The following PDCL2 variants were observed in gnomAD, a reference collection of about 807,000 sequenced individuals.
PDCL2 encodes the protein phosducin-like protein 2.
Under a neutral mutation model 30.3 loss-of-function variants are expected in PDCL2, and 23 were observed. That is an observed-to-expected ratio of 0.76 (90% CI 0.55 to 1.08). The LOEUF (loss-of-function observed/expected upper bound fraction) is 1.08. Ranked by LOEUF, PDCL2 falls within the 50% of genes least tolerant of loss-of-function variation. The pLI is 0.00. For missense variants in PDCL2, 243 were observed against 282.3 expected, an observed-to-expected ratio of 0.86 and a Z score of 1.00; for synonymous variants, 68 against 86.2, an observed-to-expected ratio of 0.79 and a Z score of 1.17.
chr4:55,566,628 A>G (rs1039772766), intron 4 of PDCL2, among the ~76,000 whole-genome samples: 1 of 151,616 alleles, frequency 6.6e-6, no homozygotes, highest in Non-Finnish European at 1.5e-5. Context: ...GGGTTTCACC[A>G]TGCTGGCCAG....
chr4:55,561,560 TCTCAAAAAC>T (rs1732137508), intron 5 of PDCL2, among the ~76,000 whole-genome samples: 1 of 151,916 alleles, frequency 6.6e-6, no homozygotes, highest in African/African-American at 2.4e-5. Context: ...CAAGGTTCTG[TCTCAAAAAC>T]AAACAAACAA....
chr4:55,582,305 T>C (rs1732737941), intron 1 of PDCL2, 68 bp from the exon 2 acceptor site: 3 of 1,453,894 alleles, frequency 2.1e-6, no homozygotes, highest in Admixed American at 2.3e-5. Flanking sequence ...GGAAAATTCA[T>C]TAAGATGTAG....
chr4:55,590,906 A>C (rs1732982006), intron 1 of PDCL2, among the ~76,000 whole-genome samples: 1 of 152,184 alleles, frequency 6.6e-6, no homozygotes, highest in Non-Finnish European at 1.5e-5. Context: ...CCTCATTAGT[A>C]AGCTCTTAGA....
At chr4:55,565,852 A>C (rs1002985001) in intron 4 of PDCL2, among the ~76,000 whole-genome samples, 20 of 151,802 alleles carry the variant, frequency 1.3e-4, no homozygotes, top group Non-Finnish European at 1.5e-4. Context: ...CCCTGTCTTG[A>C]TAAATTGACT....
chr4:55,587,771 G>GTC (rs1732901487), intron 1 of PDCL2, among the ~76,000 whole-genome samples: 1 of 151,968 alleles, frequency 6.6e-6, no homozygotes, highest in African/African-American at 2.4e-5. Context: ...GGCCAGGTTG[G>GTC]TCTCAAACTC....
At chr4:55,556,886 T>G (rs1731983841) in intron 5 of PDCL2, among the ~76,000 whole-genome samples, 175 bp from the exon 6 acceptor site, 1 of 152,128 alleles carries the variant, frequency 6.6e-6, no homozygotes, top group Non-Finnish European at 1.5e-5. Flanking sequence ...CAGGCTAGAG[T>G]GCAGTGGCAC....
chr4:55,568,132 G>C lies in PDCL2; in HGVS notation c.362+1586C>G, dbSNP rs116211821. Among the ~76,000 whole-genome samples, 532 of 152,270 alleles carry C rather than the reference G, an allele frequency of 3.5e-3. 3 individuals are homozygous for C. The highest frequency in any genetic ancestry group is 0.012 in the African/African-American group (506 of 41,540). ...TTGCTCTGTATATAATTTCCCTGAG[G>C]ACCTAAAGATAAAAACATTTATTAT... On this transcript the variant is annotated intron_variant, in intron 4 of 5. Transcript: ENST00000295645.
chr4:55,573,280 G>A (rs1732474937), intron 3 of PDCL2, among the ~76,000 whole-genome samples: 3 of 152,168 alleles, frequency 2.0e-5, no homozygotes, highest in African/African-American at 7.2e-5. Flanking sequence ...GTTTATTGCT[G>A]TGTATAAATT....
intron 4 of PDCL2, among the ~76,000 whole-genome samples, chr4:55,565,466 G>A (rs972353329): frequency 2.6e-5 from 4 of 152,148 alleles, no homozygotes; most frequent in Non-Finnish European, 4.4e-5. Flanking sequence ...TGGCAGCAAT[G>A]AGAAGTGCTG....
intron 4 of PDCL2, among the ~76,000 whole-genome samples, chr4:55,564,406 C>T (rs1344060413): frequency 6.6e-6 from 1 of 152,098 alleles, no homozygotes; most frequent in Admixed American, 6.5e-5. Context: ...GGCTCAGGGC[C>T]AGAATTTTAA....
rs1732374696 is a variant in PDCL2, at chr4:55,569,843, T to C, written c.237A>G (p.Glu79=). 1 of 1,534,576 alleles carries C rather than the reference T, an allele frequency of 6.5e-7. No individual in the cohort carries two copies. The highest frequency in any genetic ancestry group is 8.9e-7 in the Non-Finnish European group (1 of 1,128,332). ...VETYRKKRLQ[E]WKALKKKQKF... is the part of the protein sequence containing the mutation. Reference sequence around the variant, plus strand: ...TTTGTTTTTTCTTAAGAGCTTTCCATTCCTGTAACCGCTTCTTTCTAATTA... The same window carrying C: ...TTTGTTTTTTCTTAAGAGCTTTCCACTCCTGTAACCGCTTCTTTCTAATTA... Residue 79 remains glutamate, a synonymous_variant, in exon 4 of 6, where the codon GAA becomes GAG. Transcript: ENST00000295645.
chr4:55,574,430 A>G (rs1227946867), intron 3 of PDCL2, among the ~76,000 whole-genome samples: 1 of 152,250 alleles, frequency 6.6e-6, no homozygotes, highest in Non-Finnish European at 1.5e-5. Flanking sequence ...TCAATGACTC[A>G]CCCCTAAAAT....
intron 3 of PDCL2, among the ~76,000 whole-genome samples, chr4:55,573,861 T>C (rs187901196): frequency 6.6e-6 from 1 of 151,534 alleles, no homozygotes; most frequent in Admixed American, 6.6e-5. Flanking sequence ...AAAAGTTCCA[T>C]TACTTTAGCT....
In PDCL2 at chr4:55,592,244, A is replaced by T; in HGVS notation, c.-135T>A. On this transcript the variant is annotated 5_prime_UTR_variant, in exon 1 of 6. Coordinates refer to ENST00000295645, the MANE Select transcript of PDCL2 (RefSeq NM_152401.3). The stretch of plus-strand genomic sequence containing the variant: ...GGCGGTTTCGAGTGACCGCCAGAAG[A>T]GGGAGAGGCGAACAAGGACTTGTTA... 7.5e-7 allele frequency: 1 copy of T among 1,328,622 alleles called. No individual in the cohort carries two copies. The highest frequency in any genetic ancestry group is 1.0e-6 in the Non-Finnish European group (1 of 964,098). The allele number at this position is 1,328,622 out of a possible 1,614,324, so 82.3% of individuals were successfully genotyped here. A position where few individuals can be genotyped will look rare whatever the true frequency, so the allele number is the denominator to read the frequency against.
chr4:55,592,044 C>T (rs1247477657), intron 1 of PDCL2, 60 bp downstream of exon 1: 13 of 1,593,682 alleles, frequency 8.2e-6, no homozygotes, highest in Non-Finnish European at 9.4e-6. Context: ...CCCTTGGCTT[C>T]GGGCCCAGCT....
intron 1 of PDCL2, among the ~76,000 whole-genome samples, chr4:55,586,308 G>A (rs1221010025): frequency 6.6e-6 from 1 of 152,116 alleles, no homozygotes; most frequent in Non-Finnish European, 1.5e-5. Context: ...TAGAAAAACT[G>A]TACTCATTAA....
chr4:55,580,767 T>C (rs1732687614), intron 3 of PDCL2, 54 bp downstream of exon 3: 4 of 1,271,758 alleles, frequency 3.1e-6, no homozygotes, highest in South Asian at 3.2e-5. Flanking sequence ...TTTAGTTTTA[T>C]TCTTATTATA....
At chr4:55,576,089 T>C (rs1418785333) in intron 3 of PDCL2, among the ~76,000 whole-genome samples, 1 of 151,986 alleles carries the variant, frequency 6.6e-6, no homozygotes, top group South Asian at 2.1e-4. Flanking sequence ...TTATTGGAAT[T>C]GGTTTCTTTT....
At chr4:55,575,716 T>A (rs1732549433) in intron 3 of PDCL2, among the ~76,000 whole-genome samples, 1 of 152,188 alleles carries the variant, frequency 6.6e-6, no homozygotes, top group South Asian at 2.1e-4. Context: ...AATAAGACTA[T>A]CAGCCAGTTT....
Sources: allele counts gnomAD v4.1 joint callset (sites outside exome capture counted in the v4.1 genomes callset), GRCh38; gene constraint gnomAD v4.1.1; transcripts MANE v1.5; gene names NCBI Gene and HGNC (gene_info 2026-07-23, HGNC 2026-07-21).